Variants in EVC observed in about 807,000 individuals in gnomAD.
EVC encodes evC complex member EVC.
A neutral mutation model predicts 118.9 loss-of-function variants in EVC; 116 were observed. That is an observed-to-expected ratio of 0.98 (90% CI 0.84 to 1.14). The LOEUF (loss-of-function observed/expected upper bound fraction) is 1.14, where lower values mean the gene tolerates loss of function less well. EVC is among the 50% of genes most tolerant of loss of function. The pLI is 0.00. For synonymous variants in EVC, 619 were observed against 534.7 expected (o/e 1.16, Z -2.18); for missense variants, 1,401 against 1,246.4 (o/e 1.12, Z -1.87).
chr4:5,718,987 G>A (rs1724466612), intron 1 of EVC, among the ~76,000 whole-genome samples: 1 of 152,188 alleles, frequency 6.6e-6, no homozygotes, highest in African/African-American at 2.4e-5. Context: ...AGTCCTGAGG[G>A]TGCACTGAAA....
chr4:5,744,965 C>T, intron 6 of EVC, among the ~76,000 whole-genome samples: 3 of 121,542 alleles, frequency 2.5e-5, no homozygotes, highest in African/African-American at 7.6e-5. Context: ...AAAGTATGGT[C>T]TAGTTTTTTT....
At chr4:5,820,295 C>A in the EVC span, among the ~76,000 whole-genome samples, 94 of 151,640 alleles carry the variant, frequency 6.2e-4, no homozygotes, top group African/African-American at 1.8e-3. Context: ...TCACCATCAT[C>A]ACCATCACCA....
At chr4:5,723,380 G>A (rs1560281020) in intron 2 of EVC, among the ~76,000 whole-genome samples, 1 of 151,938 alleles carries the variant, frequency 6.6e-6, no homozygotes, top group Non-Finnish European at 1.5e-5. Flanking sequence ...TAGTAGAGGC[G>A]GGCTTCCACC....
At chr4:5,794,271 A>ATATTTT (rs1713381914) in intron 13 of EVC, among the ~76,000 whole-genome samples, 3 of 111,476 alleles carry the variant, frequency 2.7e-5, no homozygotes, top group African/African-American at 9.7e-5. Context: ...TTATATATTT[A>ATATTTT]TATATATTTA....
chr4:5,767,955 C>G (rs952134168), intron 11 of EVC, among the ~76,000 whole-genome samples: 3 of 152,210 alleles, frequency 2.0e-5, no homozygotes, highest in Admixed American at 6.5e-5. Context: ...TTTTACTTTT[C>G]TTCCTCAGTC....
At chr4:5,717,362 C>T (rs1322098368) in intron 1 of EVC, among the ~76,000 whole-genome samples, 2 of 151,936 alleles carry the variant, frequency 1.3e-5, no homozygotes, top group Admixed American at 1.3e-4. Context: ...CTGTGTAGTG[C>T]GTTCCCTGCT....
chr4:5,738,712 G>A lies in EVC; in HGVS notation c.703-3004G>A, dbSNP rs1220924759. ...CTCCCGAGCAGCTGGGACCACAGGC[G>A]CGCACCACCTCGCCCAGACAATTTT... On this transcript the variant is annotated intron_variant, in intron 5 of 20. Coordinates refer to ENST00000264956, the MANE Select transcript of EVC (RefSeq NM_153717.3). The surrounding 1 kb of genome is among the most constrained non-coding windows in gnomAD (Gnocchi z 6.5). 2.0e-5 allele frequency among the ~76,000 whole-genome samples: 3 copies of A among 151,730 alleles called. No individual in the cohort carries two copies. Among genetic ancestry groups the A allele is most frequent in the South Asian group, 2.1e-4 (1 of 4,794 alleles).
At chr4:5,717,326 GTTTA>G (rs1724136561) in intron 1 of EVC, among the ~76,000 whole-genome samples, 1 of 151,964 alleles carries the variant, frequency 6.6e-6, no homozygotes, top group Non-Finnish European at 1.5e-5. Context: ...TATTTTAGTT[GTTTA>G]TTTGTTTAAA....
rs536371894 is a variant in EVC at position 5,756,956 on chromosome 4, G to A, written c.1563+594G>A. ...TCAGTTGTTGGAAAGACAGGAGTGT[G>A]GACACCTGGCTATGAAGGAATCAAC... On this transcript the variant is annotated intron_variant, in intron 11 of 20. Coordinates refer to ENST00000264956, the MANE Select transcript of EVC (RefSeq NM_153717.3). The surrounding 1 kb of genome is among the most constrained non-coding windows in gnomAD (Gnocchi z 4.2). Among the ~76,000 whole-genome samples the A allele has an allele frequency of 6.6e-6, 1 of 152,272 alleles. No homozygotes were observed. The highest frequency in any genetic ancestry group is 2.4e-5 in the African/African-American group (1 of 41,552).
chr4:5,825,173 ATGTT>A, the EVC span: 1 of 985,370 alleles, frequency 1.0e-6, no homozygotes, highest in Non-Finnish European at 1.2e-6. The surrounding 1 kb of genome is among the most constrained non-coding windows in gnomAD (Gnocchi z 4.4). Flanking sequence ...CCACCACTCC[ATGTT>A]TACTTTCATG....
intron 7 of EVC, 100 bp from the exon 8 acceptor site, chr4:5,748,048 T>C (rs2152043932): frequency 7.7e-7 from 1 of 1,292,244 alleles, no homozygotes; most frequent in African/African-American, 1.5e-5. Context: ...AGAATCTTTG[T>C]TTGTGATAGG....
the EVC span, chr4:5,824,741 TCAC>T: frequency 3.4e-5 from 33 of 984,720 alleles, no homozygotes; most frequent in Non-Finnish European, 4.0e-5. Context: ...AGAAAAAAAA[TCAC>T]CATACTCTTA....
At chr4:5,763,647 T>G (rs1318186512) in intron 11 of EVC, among the ~76,000 whole-genome samples, 1 of 113,344 alleles carries the variant, frequency 8.8e-6, no homozygotes, top group East Asian at 2.4e-4. Flanking sequence ...CTAGATATTT[T>G]ATTCTCTTTG....
At chr4:5,819,962 G>A in the EVC span, among the ~76,000 whole-genome samples, 9 of 152,162 alleles carry the variant, frequency 5.9e-5, no homozygotes, top group African/African-American at 1.7e-4. Context: ...GCGTTGATGT[G>A]GGACCAGAGC....
chr4:5,754,042 C>A lies in EVC; in HGVS notation c.1464+109C>A. 7.0e-7 allele frequency: 1 copy of A among 1,418,570 alleles called. No homozygotes were observed. The allele number at this position is 1,418,570 out of a possible 1,614,324, so 87.9% of individuals were successfully genotyped here. ...ATTCATCAGGCATGAGGTTATCTGC[C>A]TACTTCCCATGTGTCAGCCGAGTGA... On this transcript the variant is annotated intron_variant, in intron 10 of 20. Transcript: ENST00000264956. The surrounding 1 kb of genome is among the most constrained non-coding windows in gnomAD (Gnocchi z 5.8).
chr4:5,815,713 C>T (rs1219031688), downstream of EVC, among the ~76,000 whole-genome samples: 2 of 152,168 alleles, frequency 1.3e-5, no homozygotes, highest in Admixed American at 6.5e-5. Context: ...ATTATTCTCC[C>T]CTAAATGTTT....
In EVC at chr4:5,731,289, G is replaced by T. The variant is rs924762206; in HGVS notation, c.385-136G>T. On this transcript the variant is annotated intron_variant, in intron 3 of 20. Transcript: ENST00000264956. The surrounding 1 kb of genome is among the most constrained non-coding windows in gnomAD (Gnocchi z 5.6). ...CTGGGACGGAAACTCTGTGGTGTCT[G>T]CTGGCACCCTGGCCAGTCTCCTCCA... The T allele has an allele frequency of 5.0e-6, 4 of 805,442 alleles. No homozygotes were observed. Among genetic ancestry groups the T allele is most frequent in the East Asian group, 4.9e-5 (2 of 40,582 alleles). 49.9% of individuals were successfully genotyped at this position (805,442 alleles called of 1,614,324 possible).
downstream of EVC, among the ~76,000 whole-genome samples, chr4:5,819,196 C>A (rs1718115826): frequency 6.6e-6 from 1 of 152,246 alleles, no homozygotes; most frequent in African/African-American, 2.4e-5. Context: ...CTAGAAAAAA[C>A]CCAGAAGACT....
rs562366559 is a variant in EVC, at chr4:5,790,917, A to T, written c.1777-2691A>T. On this transcript the variant is annotated intron_variant, in intron 12 of 20. Coordinates refer to ENST00000264956, the MANE Select transcript of EVC (RefSeq NM_153717.3). ...AAGACCAGCCTGTCCAACATGGTGA[A>T]ACCCTGTCTCTACTAAAAATACAAA... 1.1e-4 allele frequency among the ~76,000 whole-genome samples: 17 copies of T among 152,208 alleles called. 1 individual carries two copies. In the East Asian group the frequency reaches 3.1e-3, roughly 28 times the overall value.
Sources: gnomAD v4.1 joint callset for allele counts (sites outside exome capture counted in the v4.1 genomes callset) on GRCh38, gnomAD v4.1.1 for gene constraint, Gnocchi (gnomAD v3.1) non-coding constraint, MANE v1.5 for transcripts, NCBI Gene and HGNC (gene_info 2026-07-23, HGNC 2026-07-21) for gene names.